The following TMEM131 variants were observed in gnomAD, a reference collection of about 807,000 sequenced individuals.
TMEM131 encodes the protein 2610524E03Rik.
In TMEM131, 66 loss-of-function variants were observed where a neutral mutation model predicts 211.6. That is an observed-to-expected ratio of 0.31 (90% CI 0.26 to 0.38). TMEM131 has a LOEUF of 0.38. Ranked by LOEUF, TMEM131 falls within the 10% of genes least tolerant of loss-of-function variation. TMEM131 has a pLI of 1.00. For missense variants in TMEM131, 2,036 were observed against 2,299.3 expected, an observed-to-expected ratio of 0.89 and a Z score of 2.34; for synonymous variants, 844 against 841.3, an observed-to-expected ratio of 1.00 and a Z score of -0.06.
At chr2:97,818,874 A>G (rs1003107452) in intron 11 of TMEM131, among the ~76,000 whole-genome samples, 153 bp from the exon 12 acceptor site, 1 of 152,258 alleles carries the variant, frequency 6.6e-6, no homozygotes, top group Admixed American at 6.5e-5. Context: ...AGTAGGCCAC[A>G]CTGGAAAACT....
intron 7 of TMEM131, among the ~76,000 whole-genome samples, chr2:97,840,299 G>A (rs143468534): frequency 6.6e-6 from 1 of 152,356 alleles, no homozygotes; most frequent in African/African-American, 2.4e-5. Context: ...GGCAATTGTA[G>A]ACTGACCAAC....
intron 1 of TMEM131, among the ~76,000 whole-genome samples, chr2:97,928,821 A>G (rs1677097440): frequency 6.6e-6 from 1 of 151,814 alleles, no homozygotes; most frequent in Non-Finnish European, 1.5e-5. Flanking sequence ...TTATACAGAA[A>G]CAAGGCGGGG....
chr2:97,904,755 A>G (rs1315561947), intron 3 of TMEM131, among the ~76,000 whole-genome samples: 1 of 147,772 alleles, frequency 6.8e-6, no homozygotes, highest in Non-Finnish European at 1.5e-5. Flanking sequence ...GTATTCATTT[A>G]GTATTTCATT....
intron 3 of TMEM131, among the ~76,000 whole-genome samples, chr2:97,890,914 A>C (rs1675349690): frequency 6.6e-6 from 1 of 152,262 alleles, no homozygotes; most frequent in South Asian, 2.1e-4. Context: ...ATGATATAGA[A>C]GAAACAGTAC....
At chr2:97,954,367 G>T (rs538807851) in intron 1 of TMEM131, among the ~76,000 whole-genome samples, 29 of 152,318 alleles carry the variant, frequency 1.9e-4, no homozygotes, top group African/African-American at 6.5e-4. Flanking sequence ...TAAGGGCATA[G>T]AATGAATAAC....
At chr2:97,948,379 T>C (rs2104521530) in intron 1 of TMEM131, among the ~76,000 whole-genome samples, 1 of 151,660 alleles carries the variant, frequency 6.6e-6, no homozygotes, top group South Asian at 2.1e-4. Flanking sequence ...TTTAAAAAAA[T>C]GCAAAAAAGA....
chr2:97,948,208 AT>A (rs900004029), intron 1 of TMEM131, among the ~76,000 whole-genome samples: 13 of 150,566 alleles, frequency 8.6e-5, no homozygotes, highest in African/African-American at 2.2e-4. Flanking sequence ...TGGATTAAAA[AT>A]TTTTTTTTTA....
rs1032631404 is a variant in TMEM131 at position 97,802,876 on chromosome 2, T to G, written c.2403-86A>C. ...AGAAATTCAATTAGGCTTATGTACT[T>G]GAGAAATTTTTTGCTGGCCCTGAAA... is the stretch of plus-strand genomic sequence containing the variant. On this transcript the variant is annotated intron_variant, in intron 22 of 40. Transcript: ENST00000186436. 3.9e-5 allele frequency: 48 copies of G among 1,217,024 alleles called. 1 individual carries two copies. In the Middle Eastern group the frequency reaches 8.7e-4, roughly 22 times the overall value. 75.4% of individuals were successfully genotyped at this position (1,217,024 alleles called of 1,614,324 possible). A position where few individuals can be genotyped will look rare whatever the true frequency, so the allele number is the denominator to read the frequency against.
chr2:97,757,957 C>A (rs1439823109), intron 40 of TMEM131, among the ~76,000 whole-genome samples: 1 of 151,930 alleles, frequency 6.6e-6, no homozygotes, highest in African/African-American at 2.4e-5. Context: ...ATGGTGAAAC[C>A]CCGTCTCTAC....
intron 1 of TMEM131, among the ~76,000 whole-genome samples, chr2:97,951,836 T>C (rs1678332016): frequency 1.3e-5 from 2 of 152,098 alleles, no homozygotes; most frequent in South Asian, 4.2e-4. Context: ...CCATACAGGA[T>C]CAGTGAACTT....
At chr2:97,949,134 G>A (rs895146558) in intron 1 of TMEM131, among the ~76,000 whole-genome samples, 2 of 152,160 alleles carry the variant, frequency 1.3e-5, no homozygotes, top group African/African-American at 4.8e-5. Context: ...ATCAACGGGT[G>A]GGTGGATAAA....
intron 19 of TMEM131, among the ~76,000 whole-genome samples, chr2:97,805,999 A>G (rs1188865228): frequency 6.6e-6 from 1 of 152,222 alleles, no homozygotes; most frequent in Admixed American, 6.5e-5. Context: ...GAGGATGCCA[A>G]CAAAGGTACA....
chr2:97,827,147 T>C (rs1682432700), intron 11 of TMEM131: 1 of 574,988 alleles, frequency 1.7e-6, no homozygotes, highest in South Asian at 1.9e-5. Context: ...AAGTTAACAG[T>C]GTTGGGGAGG....
At chr2:97,832,582 G>A (rs1682755205) in intron 11 of TMEM131, among the ~76,000 whole-genome samples, 1 of 152,118 alleles carries the variant, frequency 6.6e-6, no homozygotes, top group Non-Finnish European at 1.5e-5. Context: ...GATGGACAAA[G>A]GTCCCTTAAA....
In TMEM131 at chr2:97,814,241, C is replaced by T; in HGVS notation, c.1440G>A (p.Met480Ile). 1 of 1,613,526 alleles carries T rather than the reference C, an allele frequency of 6.2e-7. No homozygotes were observed. The highest frequency in any genetic ancestry group is 8.5e-7 in the Non-Finnish European group (1 of 1,179,696). The change falls in exon 14 of 41, where the codon ATG (methionine) becomes ATA (isoleucine). Residue 480 changes from methionine (M) to isoleucine (I), a missense_variant. Met to Ile is a conservative substitution (Grantham distance 10). Coordinates refer to ENST00000186436, the MANE Select transcript of TMEM131 (RefSeq NM_015348.2). ...TGAGGGCTCCTGGACATACTTTAAA[C>T]ATTGTTTTGGCTTCTTCTGGTAGCA... ...DVLLPEEAKT[M>I]FKVHNFSKPV...
At chr2:97,967,028 A>G (rs549998677) in intron 1 of TMEM131, among the ~76,000 whole-genome samples, 1 of 152,230 alleles carries the variant, frequency 6.6e-6, no homozygotes, top group Admixed American at 6.5e-5. Context: ...CCTAAAACAA[A>G]CAAACAAACA....
chr2:97,819,643 CCTTT>C (rs1244507942), intron 11 of TMEM131, among the ~76,000 whole-genome samples: 3 of 152,156 alleles, frequency 2.0e-5, no homozygotes, highest in Admixed American at 6.5e-5. Context: ...AAATAATCTT[CCTTT>C]ATGATTACTT....
At chr2:97,939,333 G>C (rs1040417198) in intron 1 of TMEM131, among the ~76,000 whole-genome samples, 36 of 152,106 alleles carry the variant, frequency 2.4e-4, no homozygotes, top group Non-Finnish European at 5.0e-4. Flanking sequence ...AATAAAAAAT[G>C]ATAAAGGAGA....
chr2:97,907,577 A>T (rs1185332541), intron 3 of TMEM131, among the ~76,000 whole-genome samples: 1 of 152,206 alleles, frequency 6.6e-6, no homozygotes, highest in African/African-American at 2.4e-5. Flanking sequence ...TGCAGTGATG[A>T]CAGCAAGGGT....
Sources: allele counts gnomAD v4.1 joint callset (sites outside exome capture counted in the v4.1 genomes callset), GRCh38; gene constraint gnomAD v4.1.1; transcripts MANE v1.5; gene names NCBI Gene and HGNC (gene_info 2026-07-23, HGNC 2026-07-21).